Variants in MAD1L1 observed in about 807,000 individuals in gnomAD.
MAD1L1 encodes mitotic arrest deficient 1 like 1.
A neutral mutation model predicts 96.9 loss-of-function variants in MAD1L1; 95 were observed. The observed-to-expected ratio is 0.98, with a 90% confidence interval of 0.83 to 1.16. The LOEUF (loss-of-function observed/expected upper bound fraction) is 1.16, where lower values mean the gene tolerates loss of function less well. MAD1L1 is among the 50% of genes most tolerant of loss of function. The pLI is 0.00. For synonymous variants in MAD1L1, 473 were observed against 396.6 expected, an observed-to-expected ratio of 1.19 and a Z score of -2.29; for missense variants, 1,007 against 954.4, an observed-to-expected ratio of 1.06 and a Z score of -0.73.
intron 12 of MAD1L1, among the ~76,000 whole-genome samples, chr7:2,045,268 T>A (rs1300481448): frequency 6.6e-6 from 1 of 152,124 alleles, no homozygotes; most frequent in Non-Finnish European, 1.5e-5. Context: ...CGTATCCCTG[T>A]GAGAGTCCTC....
At chr7:1,881,740 A>G (rs1324256269) in intron 18 of MAD1L1, among the ~76,000 whole-genome samples, 2 of 152,216 alleles carry the variant, frequency 1.3e-5, no homozygotes, top group African/African-American at 4.8e-5. Context: ...ACCAGGAAAC[A>G]GACATGAAGA....
intron 10 of MAD1L1, among the ~76,000 whole-genome samples, chr7:2,182,312 A>T (rs976594081): frequency 6.6e-6 from 1 of 151,958 alleles, no homozygotes; most frequent in African/African-American, 2.4e-5. Context: ...CTCCACACCC[A>T]CGAGGCTAAC....
intron 11 of MAD1L1, among the ~76,000 whole-genome samples, chr7:2,131,992 C>T (rs1788530975): frequency 6.6e-6 from 1 of 152,188 alleles, no homozygotes; most frequent in African/African-American, 2.4e-5. Context: ...CGTAGACCCG[C>T]CGCGGCGCTG....
At chr7:1,934,619 G>A (rs532625427) in intron 17 of MAD1L1, among the ~76,000 whole-genome samples, 22 of 137,114 alleles carry the variant, frequency 1.6e-4, no homozygotes, top group East Asian at 4.4e-4. Flanking sequence ...ACAGGGGAAC[G>A]AACAGACGGG....
intron 12 of MAD1L1, among the ~76,000 whole-genome samples, chr7:2,062,229 G>A (rs1478833374): frequency 8.7e-5 from 12 of 138,424 alleles, no homozygotes; most frequent in Admixed American, 7.7e-4. Flanking sequence ...GTGACAGAGC[G>A]AGACTCCATT....
chr7:1,879,914 C>A (rs1252856146), intron 18 of MAD1L1, among the ~76,000 whole-genome samples: 2 of 152,084 alleles, frequency 1.3e-5, no homozygotes, highest in African/African-American at 4.8e-5. Flanking sequence ...GTATTTTTAG[C>A]AGAGACGGGA....
intron 18 of MAD1L1, among the ~76,000 whole-genome samples, chr7:1,824,240 G>A (rs187638906): frequency 2.7e-3 from 404 of 152,286 alleles, no homozygotes; most frequent in Admixed American, 4.3e-3. Context: ...CTGCTTGTGC[G>A]GGCCTGGTGG....
At chr7:2,214,750 G>A (rs980227161) in intron 9 of MAD1L1, among the ~76,000 whole-genome samples, 20 of 152,146 alleles carry the variant, frequency 1.3e-4, no homozygotes, top group Admixed American at 1.2e-3. Context: ...TCCTCTGCCC[G>A]CAACATGACT....
At chr7:1,977,149 G>A (rs113239546) in intron 15 of MAD1L1, among the ~76,000 whole-genome samples, 2,775 of 152,344 alleles carry the variant, frequency 0.018, 94 homozygotes, top group African/African-American at 0.063. Flanking sequence ...AGGACCAGGC[G>A]CCGCAGAGCA....
intron 18 of MAD1L1, among the ~76,000 whole-genome samples, chr7:1,870,821 C>T (rs1401962484): frequency 1.9e-5 from 2 of 102,806 alleles, no homozygotes; most frequent in Non-Finnish European, 3.8e-5. Flanking sequence ...CACGCTGAAC[C>T]GACCATAACA....
chr7:1,900,183 C>A (rs894741056), intron 17 of MAD1L1, among the ~76,000 whole-genome samples: 1 of 152,252 alleles, frequency 6.6e-6, no homozygotes, highest in Admixed American at 6.5e-5. Context: ...CGATCCGATC[C>A]CCAATCCACA....
chr7:2,115,789 C>G (rs187297078), intron 11 of MAD1L1, among the ~76,000 whole-genome samples: 1 of 152,248 alleles, frequency 6.6e-6, no homozygotes. Context: ...CTGCATGGAG[C>G]GCTCGGAGCA....
intron 11 of MAD1L1, among the ~76,000 whole-genome samples, chr7:2,144,932 A>G (rs1028355104): frequency 2.0e-5 from 3 of 152,268 alleles, no homozygotes; most frequent in African/African-American, 7.2e-5. Context: ...CTCTGCTCAC[A>G]CCAGTGACCA....
intron 12 of MAD1L1, among the ~76,000 whole-genome samples, chr7:2,057,140 G>A (rs1031650048): frequency 6.6e-6 from 1 of 152,242 alleles, no homozygotes; most frequent in Non-Finnish European, 1.5e-5. Flanking sequence ...CCCACCTAGA[G>A]AGGGGCCCTT....
intron 15 of MAD1L1, among the ~76,000 whole-genome samples, chr7:1,965,312 C>T (rs141672718): frequency 3.9e-4 from 60 of 152,348 alleles, no homozygotes; most frequent in African/African-American, 1.4e-3. Flanking sequence ...AAAGAGAGCA[C>T]GTGACAAAGC....
chr7:1,982,434 C>G (rs1449583057), intron 14 of MAD1L1, among the ~76,000 whole-genome samples: 1 of 152,228 alleles, frequency 6.6e-6, no homozygotes, highest in Non-Finnish European at 1.5e-5. Context: ...GTCCCGATCT[C>G]CTGACCTCAA....
chr7:1,820,542 G>C (rs914912489), intron 18 of MAD1L1, among the ~76,000 whole-genome samples: 4 of 152,096 alleles, frequency 2.6e-5, no homozygotes, highest in South Asian at 2.1e-4. Context: ...CAAGGTGAGA[G>C]GATCACTTGA....
chr7:2,085,654 A>G (rs1302421554), intron 11 of MAD1L1, among the ~76,000 whole-genome samples: 1 of 152,166 alleles, frequency 6.6e-6, no homozygotes, highest in Non-Finnish European at 1.5e-5. Context: ...AGCATACATC[A>G]GCCTCCATCT....
chr7:2,213,176 G>A (rs1584564794), intron 10 of MAD1L1, 36 bp downstream of exon 10: 1 of 1,611,624 alleles, frequency 6.2e-7, no homozygotes, highest in Non-Finnish European at 8.5e-7. Context: ...ACCCTTCAAA[G>A]AAGGCGGGAC....
Sources: gnomAD v4.1 joint callset for allele counts (sites outside exome capture counted in the v4.1 genomes callset) on GRCh38, gnomAD v4.1.1 for gene constraint, MANE v1.5 for transcripts, NCBI Gene and HGNC (gene_info 2026-07-23, HGNC 2026-07-21) for gene names.